Variants in SIN3B observed in about 807,000 individuals in gnomAD.
The protein encoded by SIN3B is SIN3 transcription regulator family member B, also known as paired amphipathic helix protein Sin3b.
SIN3B carries 19 observed loss-of-function variants against 120.2 expected under a neutral mutation model. The ratio of observed to expected loss-of-function variants is 0.16; its 90% CI spans 0.11 to 0.23. The LOEUF (loss-of-function observed/expected upper bound fraction) is 0.23, where lower values mean the gene tolerates loss of function less well. Among genes scored for constraint, SIN3B ranks in the 10% least tolerant of loss-of-function variants. The probability of loss-of-function intolerance (pLI) is 1.00; values close to 1 mark genes in which losing one functional copy is unlikely to be tolerated. For missense variants in SIN3B, 1,073 were observed against 1,573.0 expected (o/e 0.68, Z 5.38); for synonymous variants, 654 against 653.2 (o/e 1.00, Z -0.02).
intron 17 of SIN3B, 133 bp from the exon 18 acceptor site, chr19:16,878,050 C>T (rs529415492): frequency 1.4e-6 from 1 of 735,806 alleles, no homozygotes; most frequent in East Asian, 2.7e-5. Context: ...CTTGTTGCTT[C>T]CATTTGCTTT....
At position 16,843,735 on chromosome 19, in the gene SIN3B, C is replaced by A. The variant is rs867140999; in HGVS notation, c.582+1767C>A. Among the ~76,000 whole-genome samples the A allele has an allele frequency of 9.8e-5, 15 of 152,358 alleles. No individual in the cohort carries two copies. In the South Asian group the frequency reaches 2.5e-3, roughly 25 times the overall value. The stretch of plus-strand genomic sequence containing the variant: ...GAGAGAGTGCCATGGGAAGGGACAA[C>A]GCAGTATCCCCCAACCCAAACCGGG... On this transcript the variant is annotated intron_variant, in intron 4 of 18. Coordinates refer to ENST00000248054, the MANE Select transcript of SIN3B (RefSeq NM_001297595.2).
intron 2 of SIN3B, 45 bp downstream of exon 2, chr19:16,829,942 G>A: frequency 1.4e-6 from 2 of 1,409,214 alleles, no homozygotes; most frequent in African/African-American, 2.8e-5. Context: ...CCCCTGGGCC[G>A]GAATCGGGCC....
At chr19:16,838,367 A>G (rs1367827284) in intron 3 of SIN3B, among the ~76,000 whole-genome samples, 1 of 151,586 alleles carries the variant, frequency 6.6e-6, no homozygotes, top group African/African-American at 2.4e-5. Context: ...CCTGGCAACC[A>G]TGAGTCTGCT....
rs570890477 is a variant in SIN3B, at chr19:16,876,635, G to A, written c.2859+57G>A. The A allele has an allele frequency of 3.6e-6, 5 of 1,388,710 alleles. No homozygotes were observed. The East Asian group carries it at 6.9e-5, about 19-fold the overall frequency. The allele number at this position is 1,388,710 out of a possible 1,614,324, so 86.0% of individuals were successfully genotyped here. ...TACCAGGGAGCGCCTGAGGGCAGCAGCATGGGGCTCCCACCAGCCAAGCGC... is the reference window on the plus strand; with the variant it reads ...TACCAGGGAGCGCCTGAGGGCAGCAACATGGGGCTCCCACCAGCCAAGCGC... On this transcript the variant is annotated intron_variant, in intron 16 of 18. Coordinates refer to ENST00000248054, the MANE Select transcript of SIN3B (RefSeq NM_001297595.2). The surrounding 1 kb of genome is among the most constrained non-coding windows in gnomAD (Gnocchi z 7.1).
At chr19:16,875,856 TTGGTCTGGTCTGGTC>T (rs376985614) in intron 14 of SIN3B, 184 bp from the exon 15 acceptor site, 1 of 629,338 alleles carries the variant, frequency 1.6e-6, no homozygotes, top group Admixed American at 3.0e-5. Context: ...TCTGGTCTGT[TTGGTCTGGTCTGGTC>T]TGGTCTGGTC....
chr19:16,871,144 G>T (rs931898278), intron 13 of SIN3B, 85 bp from the exon 14 acceptor site: 5 of 1,561,480 alleles, frequency 3.2e-6, no homozygotes, highest in Non-Finnish European at 4.4e-6. Flanking sequence ...GGGGGCATTT[G>T]TTGGGGCTCT....
intron 3 of SIN3B, among the ~76,000 whole-genome samples, chr19:16,841,095 C>G (rs1042967578): frequency 5.9e-5 from 9 of 152,054 alleles, no homozygotes; most frequent in Non-Finnish European, 1.3e-4. Context: ...GGGGAGTGGT[C>G]CTGTCCCACC....
intron 16 of SIN3B, chr19:16,877,112 C>G (rs2051618601): frequency 1.4e-5 from 3 of 221,964 alleles, no homozygotes. Flanking sequence ...GTGCACATTA[C>G]TCAGCTAGGC....
intron 9 of SIN3B, chr19:16,863,329 A>ACC: frequency 8.9e-5 from 32 of 358,582 alleles, no homozygotes; most frequent in South Asian, 7.4e-4. Context: ...AATGCAGTGT[A>ACC]ACAATGATCT....
rs1328107916 is a variant in SIN3B, at chr19:16,854,226, C to T, written c.1023C>T (p.Gly341=). The part of the protein sequence containing the change: ...IALFNQELVS[G]SELLQLVSPF... ...TCTTCAACCAGGAGCTGGTGTCTGG[C>T]TCTGAGCTCCTGCAGCTCGTCAGCC... The change falls in exon 8 of 19, where the codon GGC becomes GGT. Residue 341 remains glycine (G), a synonymous_variant. Coordinates refer to ENST00000248054, the MANE Select transcript of SIN3B (RefSeq NM_001297595.2). 2.5e-6 allele frequency: 4 copies of T among 1,612,624 alleles called. No individual in the cohort carries two copies. Among genetic ancestry groups the T allele is most frequent in the Middle Eastern group, 1.7e-4 (1 of 5,754 alleles).
At chr19:16,868,986 T>G (rs1024913321) in intron 12 of SIN3B, among the ~76,000 whole-genome samples, 1 of 152,172 alleles carries the variant, frequency 6.6e-6, no homozygotes, top group Non-Finnish European at 1.5e-5. Context: ...CTTTGCCTCC[T>G]TGACTTCATC....
chr19:16,875,220 T>TTGGTCTGGTC (rs958347711), intron 14 of SIN3B, among the ~76,000 whole-genome samples: 2 of 138,840 alleles, frequency 1.4e-5, no homozygotes, highest in East Asian at 4.9e-4. Context: ...CTGGTCTGGT[T>TTGGTCTGGTC]TGGTCTGGTC....
At chr19:16,852,291 G>C (rs990165977) in intron 6 of SIN3B, among the ~76,000 whole-genome samples, 1 of 151,882 alleles carries the variant, frequency 6.6e-6, no homozygotes, top group African/African-American at 2.4e-5. Flanking sequence ...TTTCTCCTGT[G>C]GGGGGATGGG....
At chr19:16,845,634 TG>T (rs1445297578) in intron 4 of SIN3B, among the ~76,000 whole-genome samples, 1 of 152,254 alleles carries the variant, frequency 6.6e-6, no homozygotes, top group Non-Finnish European at 1.5e-5. Flanking sequence ...TAGCCTCTTC[TG>T]TCTGTGTAGT....
intron 3 of SIN3B, among the ~76,000 whole-genome samples, chr19:16,834,488 A>C (rs1246163024): frequency 6.6e-6 from 1 of 152,188 alleles, no homozygotes; most frequent in Non-Finnish European, 1.5e-5. Flanking sequence ...GTCTCCCCGT[A>C]GGTGGCTTAG....
intron 13 of SIN3B, 105 bp downstream of exon 13, chr19:16,870,180 T>G: frequency 8.0e-7 from 1 of 1,251,252 alleles, no homozygotes; most frequent in African/African-American, 1.5e-5. Flanking sequence ...GCTTTTCATT[T>G]TAAGAGAATT....
rs371542508 is a variant in SIN3B, at chr19:16,868,791, GGCTGGTGGGA to G, written c.1807-657_1807-648del. ...CCCAGTGAGGAGAGTGGTTGGAGCAGGCTGGTGGGAGCTGGTGGGAGGGCTGGTGACATGA... is the reference window on the plus strand; with the variant it reads ...CCCAGTGAGGAGAGTGGTTGGAGCAGGCTGGTGGGAGGGCTGGTGACATGA... On this transcript the variant is annotated intron_variant, in intron 12 of 18. Coordinates refer to ENST00000248054, the MANE Select transcript of SIN3B (RefSeq NM_001297595.2). 4.2e-3 allele frequency among the ~76,000 whole-genome samples: 641 copies of G among 152,318 alleles called. 6 individuals carry two copies. Among genetic ancestry groups the G allele is most frequent in the African/African-American group, 0.013 (554 of 41,570 alleles).
chr19:16,834,575 A>G (rs1359044148), intron 3 of SIN3B, among the ~76,000 whole-genome samples: 1 of 152,178 alleles, frequency 6.6e-6, no homozygotes, highest in Non-Finnish European at 1.5e-5. Context: ...GCTACTCAGC[A>G]GGGCCTTGGT....
chr19:16,874,017 G>T (rs1445437609), intron 14 of SIN3B, among the ~76,000 whole-genome samples: 1 of 152,248 alleles, frequency 6.6e-6, no homozygotes, highest in Non-Finnish European at 1.5e-5. Flanking sequence ...CCCAAGGAGT[G>T]TGGTCCCCTG....
Sources: gnomAD v4.1 joint callset for allele counts (sites outside exome capture counted in the v4.1 genomes callset) on GRCh38, gnomAD v4.1.1 for gene constraint, Gnocchi (gnomAD v3.1) non-coding constraint, MANE v1.5 for transcripts, NCBI Gene and HGNC (gene_info 2026-07-23, HGNC 2026-07-21) for gene names.